UGT1A10: variants seen among roughly 807,000 people sequenced by gnomAD.
UGT1A10 encodes UDP-glucuronosyltransferase 1A10.
In UGT1A10, 49 loss-of-function variants were observed where a neutral mutation model predicts 45.8. The ratio of observed to expected loss-of-function variants is 1.07; its 90% CI spans 0.85 to 1.36. UGT1A10 has a LOEUF of 1.36. Among genes scored for constraint, UGT1A10 ranks in the 40% most tolerant of loss-of-function variants. The probability of loss-of-function intolerance (pLI) is 0.00; values close to 1 mark genes in which losing one functional copy is unlikely to be tolerated. For synonymous variants in UGT1A10, 284 were observed against 249.7 expected (o/e 1.14, Z -1.29); for missense variants, 745 against 668.6 (o/e 1.11, Z -1.26).
intron 1 of UGT1A10, among the ~76,000 whole-genome samples, chr2:233,707,431 T>G (rs1252673203): frequency 1.3e-5 from 2 of 152,174 alleles, no homozygotes; most frequent in Non-Finnish European, 2.9e-5. Flanking sequence ...TTCTTTGCTT[T>G]TCTTTACAAT....
rs188392327 is a variant in UGT1A10, at chr2:233,651,485, G to A, written c.855+14108G>A. Among the ~76,000 whole-genome samples, 760 of 152,278 alleles carry A rather than the reference G, an allele frequency of 5.0e-3. 15 individuals carry two copies. Among genetic ancestry groups the A allele is most frequent in the Non-Finnish European group, 2.0e-3 (139 of 68,020 alleles). On this transcript the variant is annotated intron_variant, in intron 1 of 4. Coordinates refer to ENST00000344644, the MANE Select transcript of UGT1A10 (RefSeq NM_019075.4). ...GGTATGTATAAGAGGTTTTATAGAA[G>A]TGGAAAGTTATATTTTTTGCATATC...
At chr2:233,658,777 T>A (rs2073906868) in intron 1 of UGT1A10, among the ~76,000 whole-genome samples, 1 of 152,256 alleles carries the variant, frequency 6.6e-6, no homozygotes, top group Non-Finnish European at 1.5e-5. Flanking sequence ...AAAACTTGGT[T>A]GTTCATACTG....
At chr2:233,683,395 A>T (rs1186306965) in intron 1 of UGT1A10, among the ~76,000 whole-genome samples, 5 of 152,160 alleles carry the variant, frequency 3.3e-5, no homozygotes, top group African/African-American at 1.2e-4. Flanking sequence ...ATTGATAGAG[A>T]TTTAAGTGTT....
At chr2:233,665,057 T>C (rs2074044442) in intron 1 of UGT1A10, among the ~76,000 whole-genome samples, 1 of 152,228 alleles carries the variant, frequency 6.6e-6, no homozygotes, top group Non-Finnish European at 1.5e-5. Flanking sequence ...TTTGAAATTA[T>C]TTTATGCATA....
intron 1 of UGT1A10, among the ~76,000 whole-genome samples, chr2:233,676,137 A>T (rs550615661): frequency 2.6e-5 from 4 of 152,158 alleles, no homozygotes; most frequent in Non-Finnish European, 4.4e-5. Context: ...GGGGTCCTTG[A>T]GCTCCAGCGT....
At chr2:233,730,021 A>G (rs1183209625) in intron 1 of UGT1A10, 7 of 1,613,586 alleles carry the variant, frequency 4.3e-6, no homozygotes, top group Non-Finnish European at 5.9e-6. Flanking sequence ...CATCCAATCA[A>G]TGTTCCAGGC....
intron 1 of UGT1A10, among the ~76,000 whole-genome samples, chr2:233,684,605 T>G (rs1292324256): frequency 2.0e-5 from 3 of 152,236 alleles, no homozygotes; most frequent in African/African-American, 7.2e-5. Context: ...TTTACATATT[T>G]TGGTTATTTG....
At chr2:233,702,817 T>C (rs933179108) in intron 1 of UGT1A10, among the ~76,000 whole-genome samples, 1 of 152,218 alleles carries the variant, frequency 6.6e-6, no homozygotes, top group Non-Finnish European at 1.5e-5. Context: ...TCCCACTTGA[T>C]TGTGTTGTAT....
At chr2:233,681,628 A>G (rs1311790915) in intron 1 of UGT1A10, among the ~76,000 whole-genome samples, 2 of 151,968 alleles carry the variant, frequency 1.3e-5, no homozygotes, top group Non-Finnish European at 2.9e-5. Context: ...TTATCTTTCA[A>G]TGTCGTCAAG....
intron 1 of UGT1A10, among the ~76,000 whole-genome samples, chr2:233,710,223 G>T (rs1158018744): frequency 1.3e-5 from 2 of 152,178 alleles, no homozygotes; most frequent in Non-Finnish European, 2.9e-5. Flanking sequence ...GAATAAAGCT[G>T]CTATGACTAT....
intron 1 of UGT1A10, among the ~76,000 whole-genome samples, chr2:233,748,320 G>T (rs1427281151): frequency 6.6e-6 from 1 of 151,764 alleles, no homozygotes; most frequent in Non-Finnish European, 1.5e-5. Flanking sequence ...GACTAGGACT[G>T]ATGTGACTCA....
chr2:233,756,308 C>T (rs147116295), intron 1 of UGT1A10: 65 of 152,294 alleles, frequency 4.3e-4, no homozygotes, highest in African/African-American at 1.5e-3. Context: ...TATAACCTAC[C>T]CATATCCTCC....
chr2:233,705,516 G>T (rs769825689), intron 1 of UGT1A10, among the ~76,000 whole-genome samples: 10 of 152,152 alleles, frequency 6.6e-5, no homozygotes, highest in Non-Finnish European at 1.5e-4. Flanking sequence ...AATCAGGGTG[G>T]GGAGATTACC....
At chr2:233,755,200 G>T in intron 1 of UGT1A10, 1 of 1,105,696 alleles carries the variant, frequency 9.0e-7, no homozygotes, top group Non-Finnish European at 1.3e-6. Context: ...GCCAGCTTGC[G>T]GTACGCCTTC....
intron 1 of UGT1A10, among the ~76,000 whole-genome samples, chr2:233,712,747 C>CA (rs2076252881): frequency 6.6e-6 from 1 of 152,002 alleles, no homozygotes; most frequent in African/African-American, 2.4e-5. Context: ...TTGGATGTTC[C>CA]CCAGAGCGAG....
chr2:233,651,525 TAAAG>T (rs1438628468), intron 1 of UGT1A10, among the ~76,000 whole-genome samples: 7 of 152,278 alleles, frequency 4.6e-5, no homozygotes, highest in African/African-American at 1.7e-4. Context: ...TGAATTATAA[TAAAG>T]GAAGGAAAAT....
At chr2:233,730,680 C>T (rs1218688522) in intron 1 of UGT1A10, among the ~76,000 whole-genome samples, 1 of 152,088 alleles carries the variant, frequency 6.6e-6, no homozygotes, top group African/African-American at 2.4e-5. Flanking sequence ...GTAATGGTTG[C>T]ATCTCAAATG....
intron 1 of UGT1A10, among the ~76,000 whole-genome samples, chr2:233,655,601 T>A (rs1440620513): frequency 2.0e-5 from 3 of 152,074 alleles, no homozygotes; most frequent in African/African-American, 7.2e-5. Flanking sequence ...AGGGAAACTG[T>A]CTAGTGTGTT....
intron 1 of UGT1A10, among the ~76,000 whole-genome samples, chr2:233,639,144 C>G (rs553986301): frequency 6.6e-6 from 1 of 152,064 alleles, no homozygotes; most frequent in South Asian, 2.1e-4. Context: ...AGAGGGATAT[C>G]TATAAAAAAT....
Sources: gnomAD v4.1 joint callset for allele counts (sites outside exome capture counted in the v4.1 genomes callset) on GRCh38, gnomAD v4.1.1 for gene constraint, MANE v1.5 for transcripts, NCBI Gene and HGNC (gene_info 2026-07-23, HGNC 2026-07-21) for gene names.